C1GALT1: variants seen among roughly 807,000 people sequenced by gnomAD.
C1GALT1 encodes core 1 synthase, glycoprotein-N-acetylgalactosamine 3-beta-galactosyltransferase 1.
In C1GALT1, 11 loss-of-function variants were observed where a neutral mutation model predicts 31.0. That is an observed-to-expected ratio of 0.36 (90% CI 0.22 to 0.59). The LOEUF (loss-of-function observed/expected upper bound fraction) is 0.59. Among genes scored for constraint, C1GALT1 ranks in the 20% least tolerant of loss-of-function variants. C1GALT1 has a pLI of 0.79. For synonymous variants in C1GALT1, 175 were observed against 143.6 expected (o/e 1.22, Z -1.56); for missense variants, 424 against 425.2 (o/e 1.00, Z 0.03).
chr7:7,164,160 C>A (rs966921781), intron 2 of C1GALT1, among the ~76,000 whole-genome samples: 1 of 152,072 alleles, frequency 6.6e-6, no homozygotes, highest in African/African-American at 2.4e-5. Flanking sequence ...AGAAATAACA[C>A]CGTATATCTA....
rs925403450 is a variant in C1GALT1 at position 7,247,086 on chromosome 7, T to G, written c.*3359T>G. The G allele has an allele frequency of 2.6e-5, 4 of 152,130 alleles. No homozygotes were observed. Among genetic ancestry groups the G allele is most frequent in the African/African-American group, 7.2e-5 (3 of 41,446 alleles). The allele number at this position is 152,130 out of a possible 1,614,324, so 9.4% of individuals were successfully genotyped here. A position where few individuals can be genotyped will look rare whatever the true frequency, so the allele number is the denominator to read the frequency against. On this transcript the variant is annotated 3_prime_UTR_variant, in exon 4 of 4. Coordinates refer to ENST00000436587, the MANE Select transcript of C1GALT1 (RefSeq NM_020156.5). ...TAAGTGTCATCAAAAAGGTCCACAA[T>G]TGTTAGTAAAAAAAATTAAATTGAA...
intron 2 of C1GALT1, among the ~76,000 whole-genome samples, chr7:7,170,759 G>C (rs1333972968): frequency 6.6e-6 from 1 of 152,216 alleles, no homozygotes; most frequent in Admixed American, 6.5e-5. Flanking sequence ...TCCAGCCTGG[G>C]TGACAGAGCA....
intron 1 of C1GALT1, among the ~76,000 whole-genome samples, chr7:7,195,758 T>G (rs1311774891): frequency 6.6e-6 from 1 of 152,244 alleles, no homozygotes; most frequent in Non-Finnish European, 1.5e-5. Flanking sequence ...TCTAGTGCCG[T>G]CAGTGGAGTA....
intron 2 of C1GALT1, among the ~76,000 whole-genome samples, chr7:7,161,434 A>G (rs967888471): frequency 1.3e-5 from 2 of 152,160 alleles, no homozygotes; most frequent in Non-Finnish European, 2.9e-5. Flanking sequence ...CCAAGGGACT[A>G]AAAAATGTGG....
intron 1 of C1GALT1, among the ~76,000 whole-genome samples, chr7:7,223,779 C>T (rs1237327736): frequency 2.0e-5 from 3 of 151,936 alleles, no homozygotes; most frequent in Non-Finnish European, 2.9e-5. Context: ...CTTTATTATA[C>T]TGGCTAGAAT....
intron 2 of C1GALT1, among the ~76,000 whole-genome samples, chr7:7,236,646 C>T (rs549307599): frequency 1.8e-4 from 28 of 152,160 alleles, no homozygotes; most frequent in Middle Eastern, 6.8e-3. Flanking sequence ...CTTAGCCTCC[C>T]GAGTAGCTGG....
rs1475535337 is a variant in C1GALT1, at chr7:7,238,994, A to T, written c.888+72A>T. 12 of 1,231,184 alleles carry T rather than the reference A, an allele frequency of 9.7e-6. No homozygotes were observed. The South Asian group carries it at 1.3e-4, about 13-fold the overall frequency. The allele number at this position is 1,231,184 out of a possible 1,614,324, so 76.3% of individuals were successfully genotyped here. ...ATTTTGTTGATAAAAACATGTTAATATGTGTATGTTTCTTTAGTACCAACA... is the reference window on the plus strand; with the variant it reads ...ATTTTGTTGATAAAAACATGTTAATTTGTGTATGTTTCTTTAGTACCAACA... On this transcript the variant is annotated intron_variant, in intron 3 of 3. Transcript: ENST00000436587. This position sits in a 1 kb window ranked among gnomAD's most constrained non-coding sequence, Gnocchi z 5.2.
At chr7:7,181,277 G>A (rs1027461463), upstream of C1GALT1, among the ~76,000 whole-genome samples, 1 of 85,198 alleles carries the variant, frequency 1.2e-5, no homozygotes, top group African/African-American at 5.9e-5. Flanking sequence ...TGGAGGGGGA[G>A]GAGGCTGAGC....
intron 1 of C1GALT1, among the ~76,000 whole-genome samples, chr7:7,217,897 A>T (rs1782318780): frequency 6.6e-6 from 1 of 152,124 alleles, no homozygotes. Context: ...AATCATTTCA[A>T]TTGTAGCTCT....
intron 1 of C1GALT1, chr7:7,183,501 ATTT>A: frequency 3.2e-6 from 2 of 628,574 alleles, no homozygotes; most frequent in Non-Finnish European, 2.0e-6. Context: ...AAGGCATTAA[ATTT>A]TTTTTTTTTG....
rs779575456 is a variant in C1GALT1 at position 7,243,606 on chromosome 7, A to G, written c.971A>G (p.Tyr324Cys). Residue 324 changes from tyrosine to cysteine, a missense_variant, in exon 4 of 4, where the codon TAT becomes TGT. Tyr to Cys is a radical substitution (Grantham distance 194). Around this residue, in one of 3 missense-constraint regions of C1GALT1, gnomAD observed 191 missense variants for 188.8 expected, o/e 1.01. Transcript: ENST00000436587. ...TTMYELEYLV[Y>C]HLRPYGYLYR... ...ATGTATGAGTTAGAATACCTCGTTTATCATCTTCGTCCATATGGTTATTTA... is the reference window on the plus strand; with the variant it reads ...ATGTATGAGTTAGAATACCTCGTTTGTCATCTTCGTCCATATGGTTATTTA... The G allele has an allele frequency of 1.2e-6, 2 of 1,612,760 alleles. No individual in the cohort carries two copies. The highest frequency in any genetic ancestry group is 1.7e-6 in the Non-Finnish European group (2 of 1,179,414).
chr7:7,213,021 A>G (rs1475230686), intron 1 of C1GALT1, among the ~76,000 whole-genome samples: 2 of 152,218 alleles, frequency 1.3e-5, no homozygotes, highest in Non-Finnish European at 2.9e-5. Context: ...TGAAAAACCA[A>G]ACAAGGATCA....
chr7:7,247,278 C>T lies in C1GALT1; in HGVS notation c.*3551C>T, dbSNP rs1783885760. The T allele has an allele frequency of 6.6e-6, 1 of 151,970 alleles. No homozygotes were observed. The highest frequency in any genetic ancestry group is 2.1e-4 in the South Asian group (1 of 4,826). 9.4% of individuals were successfully genotyped at this position (151,970 alleles called of 1,614,324 possible). A position where few individuals can be genotyped will look rare whatever the true frequency, so the allele number is the denominator to read the frequency against. On this transcript the variant is annotated 3_prime_UTR_variant, in exon 4 of 4. Coordinates refer to ENST00000436587, the MANE Select transcript of C1GALT1 (RefSeq NM_020156.5). ...TATTCACTATCTTTTAGATTAAGAT[C>T]TTTGTTATTTGGTAAATGATTTCAG...
chr7:7,166,328 G>T (rs1780392018), intron 2 of C1GALT1, among the ~76,000 whole-genome samples: 1 of 152,064 alleles, frequency 6.6e-6, no homozygotes, highest in Non-Finnish European at 1.5e-5. Flanking sequence ...ACAATAAAAA[G>T]TAATAAACTA....
intron 1 of C1GALT1, among the ~76,000 whole-genome samples, chr7:7,228,683 C>G (rs1031708043): frequency 3.9e-5 from 6 of 152,076 alleles, no homozygotes; most frequent in Non-Finnish European, 7.4e-5. Context: ...ATGTGGTAAA[C>G]ACAACACAAG....
At chr7:7,203,215 C>G (rs1249467642) in intron 1 of C1GALT1, among the ~76,000 whole-genome samples, 1 of 150,676 alleles carries the variant, frequency 6.6e-6, no homozygotes, top group African/African-American at 2.4e-5. Context: ...TTCCTAATTG[C>G]TCTGGGTAGA....
intron 2 of C1GALT1, chr7:7,235,232 A>C (rs1445924908): frequency 6.6e-6 from 1 of 152,194 alleles, no homozygotes; most frequent in African/African-American, 2.4e-5. Context: ...CACAATGCAA[A>C]ATACGGTTTG....
chr7:7,230,261 C>G (rs1202070597), intron 1 of C1GALT1, among the ~76,000 whole-genome samples: 6 of 152,006 alleles, frequency 3.9e-5, no homozygotes, highest in Admixed American at 2.6e-4. Context: ...ACACTTTTTA[C>G]TGAAATAAAT....
At chr7:7,206,618 G>T (rs1781749732) in intron 1 of C1GALT1, among the ~76,000 whole-genome samples, 1 of 150,762 alleles carries the variant, frequency 6.6e-6, no homozygotes, top group East Asian at 2.0e-4. Context: ...GGTGGTTGCA[G>T]TTAGCCACGA....
Sources: gnomAD v4.1 joint callset for allele counts (sites outside exome capture counted in the v4.1 genomes callset) on GRCh38, gnomAD v4.1.1 for gene constraint, gnomAD v4.1.1 regional missense constraint, Gnocchi (gnomAD v3.1) non-coding constraint, MANE v1.5 for transcripts, NCBI Gene and HGNC (gene_info 2026-07-23, HGNC 2026-07-21) for gene names.